The following TEX10 variants were observed in gnomAD, a reference collection of about 807,000 sequenced individuals.
TEX10 encodes the protein testis-expressed protein 10.
TEX10 carries 24 observed loss-of-function variants against 104.4 expected under a neutral mutation model. The ratio of observed to expected loss-of-function variants is 0.23; its 90% CI spans 0.17 to 0.32. TEX10 has a LOEUF of 0.32. Among genes scored for constraint, TEX10 ranks in the 10% least tolerant of loss-of-function variants. The pLI, the probability that TEX10 is intolerant of heterozygous loss-of-function variation, is 1.00. For missense variants in TEX10, 921 were observed against 1,083.9 expected, an observed-to-expected ratio of 0.85 and a Z score of 2.11; for synonymous variants, 396 against 393.4, an observed-to-expected ratio of 1.01 and a Z score of -0.08.
rs755838778 is a variant in TEX10 at position 100,352,461 on chromosome 9, G to A, written c.-10+311C>T. ...CATCGTTCCTCCTACTCCAAGGGAC[G>A]CCGGCCAGGACCAGAGTCGGGGAAG... On this transcript the variant is annotated intron_variant, in intron 1 of 14. Coordinates refer to ENST00000374902, the MANE Select transcript of TEX10 (RefSeq NM_017746.4). The A allele has an allele frequency of 1.6e-5, 25 of 1,551,594 alleles. No individual in the cohort carries two copies. The East Asian group carries it at 3.4e-4, about 21-fold the overall frequency.
At chr9:100,320,048 GATCT>G (rs1318556648) in intron 11 of TEX10, among the ~76,000 whole-genome samples, 1 of 152,010 alleles carries the variant, frequency 6.6e-6, no homozygotes. Context: ...TAAAAAGATG[GATCT>G]ATCATTCAAA....
intron 11 of TEX10, among the ~76,000 whole-genome samples, chr9:100,312,291 G>C (rs978207339): frequency 6.6e-6 from 1 of 152,188 alleles, no homozygotes; most frequent in Non-Finnish European, 1.5e-5. Context: ...ACTGGATTTG[G>C]TGGGAGTGCT....
chr9:100,346,978 G>C lies in TEX10; in HGVS notation c.609C>G (p.Asp203Glu). Reference protein sequence around the residue: ...QQLSKGLINRDRSQSWILSVN... With the variant: ...QQLSKGLINRERSQSWILSVN... ...CAGAAAGTATCCAGGACTGGGATCT[G>C]TCTCTATTTATCAGTCCTTTGGACA... The change falls in exon 3 of 15, where the codon GAC (aspartate) becomes GAG (glutamate). Residue 203 changes from aspartate (D) to glutamate (E), a missense_variant. Physicochemically the swap from Asp to Glu is conservative, Grantham distance 45. Transcript: ENST00000374902. 6.2e-7 allele frequency: 1 copy of C among 1,614,190 alleles called. No individual in the cohort carries two copies. The highest frequency in any genetic ancestry group is 1.1e-5 in the South Asian group (1 of 91,088).
chr9:100,306,652 C>A (rs10989050), intron 13 of TEX10: 1 of 152,108 alleles, frequency 6.6e-6, no homozygotes, highest in Non-Finnish European at 1.5e-5. Flanking sequence ...TTATAAACAC[C>A]TTCTCCAGTG....
Position 100,327,920 on chromosome 9 carries a change from T to G in TEX10, c.1668A>C (p.Pro556=). The G allele has an allele frequency of 6.3e-7, 1 of 1,595,600 alleles. No individual in the cohort carries two copies. Among genetic ancestry groups the G allele is most frequent in the South Asian group, 1.1e-5 (1 of 87,810 alleles). The change falls in exon 8 of 15, where the codon CCA becomes CCC. Residue 556 remains proline (P), a synonymous_variant. Transcript: ENST00000374902. ...GGGAGCCAAGATGAGCAAGTTGCAA[T>G]GGTAAGCCAGCCAGCCAACGGGATA... is the stretch of plus-strand genomic sequence containing the variant. ...KVLSRWLAGL[P]LQLAHLGSRN...
In TEX10 at chr9:100,352,838, G is replaced by A. The variant is rs1835497474; in HGVS notation, c.-76C>T. ...CAAGCGAGGGAGCAGAAGCCCACGG[G>A]GCAACAGCGTGCGCCGCCGACCTCA... On this transcript the variant is annotated 5_prime_UTR_variant, in exon 1 of 15. Coordinates refer to ENST00000374902, the MANE Select transcript of TEX10 (RefSeq NM_017746.4). 1 of 1,022,380 alleles carries A rather than the reference G, an allele frequency of 9.8e-7. No homozygotes were observed. The highest frequency in any genetic ancestry group is 1.2e-6 in the Non-Finnish European group (1 of 855,838). The allele number at this position is 1,022,380 out of a possible 1,614,324, so 63.3% of individuals were successfully genotyped here. A position where few individuals can be genotyped will look rare whatever the true frequency, so the allele number is the denominator to read the frequency against.
At chr9:100,348,238 G>C (rs1344563440) in intron 2 of TEX10, among the ~76,000 whole-genome samples, 1 of 152,196 alleles carries the variant, frequency 6.6e-6, no homozygotes, top group Non-Finnish European at 1.5e-5. Flanking sequence ...AGATATCAGA[G>C]GTAGATTAGT....
At position 100,303,730 on chromosome 9, in the gene TEX10, C is replaced by T. The variant is rs1429950199; in HGVS notation, c.2578G>A (p.Val860Met). The change falls in exon 14 of 15, where the codon GTG becomes ATG. Residue 860 changes from valine (V) to methionine (M), a missense_variant. Physicochemically the swap from Val to Met is conservative, Grantham distance 21. This residue lies in a region of TEX10 where 753 missense variants were observed against 868.4 expected (regional missense o/e 0.87). Transcript: ENST00000374902. ...AGCAGCAGTCGAAGCAGCTGGCCCA[C>T]AACAGGCAGCTCCTCAGGCCCAACT... is the stretch of plus-strand genomic sequence containing the variant. Reference protein sequence around the residue: ...NRVGPEELPVVGQLLRLLLQH... With the variant: ...NRVGPEELPVMGQLLRLLLQH... 6.2e-7 allele frequency: 1 copy of T among 1,614,092 alleles called. No homozygotes were observed. Among genetic ancestry groups the T allele is most frequent in the Admixed American group, 1.7e-5 (1 of 60,016 alleles).
intron 11 of TEX10, 110 bp from the exon 12 acceptor site, chr9:100,310,489 A>G: frequency 9.9e-7 from 1 of 1,008,918 alleles, no homozygotes; most frequent in Non-Finnish European, 1.5e-6. Context: ...CCCAGGCTGG[A>G]GTGCAGTGAT....
At chr9:100,352,508 C>T in intron 1 of TEX10, 1 of 1,550,992 alleles carries the variant, frequency 6.4e-7, no homozygotes, top group African/African-American at 1.4e-5. Flanking sequence ...TCACACACTC[C>T]GGGCTAAAAC....
intron 11 of TEX10, among the ~76,000 whole-genome samples, chr9:100,314,550 T>G (rs1834366210): frequency 6.6e-6 from 1 of 152,244 alleles, no homozygotes. Flanking sequence ...TGTAACAGTC[T>G]TTGTGGTATC....
intron 9 of TEX10, among the ~76,000 whole-genome samples, chr9:100,324,808 G>A (rs1474580877): frequency 6.6e-6 from 1 of 152,030 alleles, no homozygotes; most frequent in Non-Finnish European, 1.5e-5. Flanking sequence ...CCCTCTACTG[G>A]AAGTCAAATA....
Position 100,311,542 on chromosome 9 carries a change from A to G in TEX10, c.2203-1163T>C, listed in dbSNP as rs568164089. On this transcript the variant is annotated intron_variant, in intron 11 of 14. Transcript: ENST00000374902. ...ATCTGAGTGATATGAACAAAGGGCT[A>G]ACAAAAGCTTTTTTTTGCCCACCTG... Among the ~76,000 whole-genome samples, 11 of 152,354 alleles carry G rather than the reference A, an allele frequency of 7.2e-5. No individual in the cohort carries two copies. In the South Asian group the frequency reaches 2.3e-3, roughly 32 times the overall value.
chr9:100,331,813 A>G (rs1161641217), intron 5 of TEX10, among the ~76,000 whole-genome samples: 2 of 152,242 alleles, frequency 1.3e-5, no homozygotes, highest in East Asian at 1.9e-4. Flanking sequence ...CAGACAAGAG[A>G]TGGCAAGTCC....
chr9:100,303,103 T>C (rs1834047265), intron 14 of TEX10, among the ~76,000 whole-genome samples: 2 of 152,218 alleles, frequency 1.3e-5, no homozygotes, highest in African/African-American at 4.8e-5. Flanking sequence ...AGTTTATTCC[T>C]GCTAAATAAT....
Position 100,324,458 on chromosome 9 carries a change from A to T in TEX10, c.1979+1844T>A, listed in dbSNP as rs141948344. Among the ~76,000 whole-genome samples the T allele has an allele frequency of 2.1e-4, 32 of 152,322 alleles. No homozygotes were observed. The East Asian group carries it at 5.8e-3, about 28-fold the overall frequency. ...CTTTAGATGGGAATAATATACCTAC[A>T]TAGAGAGAAGTCTACTAATGGACTC... On this transcript the variant is annotated intron_variant, in intron 9 of 14. Coordinates refer to ENST00000374902, the MANE Select transcript of TEX10 (RefSeq NM_017746.4).
At chr9:100,311,772 G>A (rs1834288394) in intron 11 of TEX10, among the ~76,000 whole-genome samples, 1 of 152,120 alleles carries the variant, frequency 6.6e-6, no homozygotes, top group Non-Finnish European at 1.5e-5. Context: ...GTCCTTCACA[G>A]ATATCAGTCA....
intron 11 of TEX10, among the ~76,000 whole-genome samples, chr9:100,318,525 T>C (rs1393089940): frequency 6.6e-6 from 1 of 152,242 alleles, no homozygotes; most frequent in African/African-American, 2.4e-5. Context: ...TGTACATTGT[T>C]GGGTGATACT....
At chr9:100,303,447 C>T (rs1015309578) in intron 14 of TEX10, among the ~76,000 whole-genome samples, 185 bp downstream of exon 14, 4 of 149,374 alleles carry the variant, frequency 2.7e-5, no homozygotes, top group Non-Finnish European at 6.0e-5. Flanking sequence ...CACCCCCCCC[C>T]CCATTAAGTC....
Sources: gnomAD v4.1 joint callset for allele counts (sites outside exome capture counted in the v4.1 genomes callset) on GRCh38, gnomAD v4.1.1 for gene constraint, gnomAD v4.1.1 regional missense constraint, MANE v1.5 for transcripts, NCBI Gene and HGNC (gene_info 2026-07-23, HGNC 2026-07-21) for gene names.